Variants in ABCA1 observed in about 807,000 individuals in gnomAD.
The protein encoded by ABCA1 is phospholipid-transporting ATPase ABCA1.
A neutral mutation model predicts 262.5 loss-of-function variants in ABCA1; 133 were observed. The ratio of observed to expected loss-of-function variants is 0.51; its 90% CI spans 0.44 to 0.59. The LOEUF (loss-of-function observed/expected upper bound fraction) is 0.59, where lower values mean the gene tolerates loss of function less well. Ranked by LOEUF, ABCA1 falls within the 20% of genes least tolerant of loss-of-function variation. The pLI is 0.00. For synonymous variants in ABCA1, 1,022 were observed against 1,043.5 expected (o/e 0.98, Z 0.40); for missense variants, 2,452 against 2,777.5 (o/e 0.88, Z 2.63).
At chr9:104,809,719 A>T (rs989840019) in intron 29 of ABCA1, among the ~76,000 whole-genome samples, 155 bp from the exon 30 acceptor site, 2 of 152,156 alleles carry the variant, frequency 1.3e-5, no homozygotes, top group Non-Finnish European at 2.9e-5. Context: ...ACCCAGAAGG[A>T]TCTCAGACTC....
In ABCA1 at chr9:104,794,377, C is replaced by T; in HGVS notation, c.5506+10G>A. The T allele has an allele frequency of 6.2e-7, 1 of 1,614,054 alleles. No individual in the cohort carries two copies. The highest frequency in any genetic ancestry group is 8.5e-7 in the Non-Finnish European group (1 of 1,179,980). On this transcript the variant is annotated intron_variant, in intron 40 of 49. Transcript: ENST00000374736. ...CCATTAAAGCATCCTACAGCCACTG[C>T]TTCACTCACCAAACCTTTCCAGGGC...
intron 1 of ABCA1, among the ~76,000 whole-genome samples, chr9:104,927,067 C>G (rs886324979): frequency 2.6e-4 from 39 of 152,038 alleles, no homozygotes; most frequent in African/African-American, 7.5e-4. Flanking sequence ...CAAAAATTAG[C>G]TGGATGTGGT....
chr9:104,832,867 G>T, intron 11 of ABCA1, 96 bp from the exon 12 acceptor site: 1 of 1,156,540 alleles, frequency 8.6e-7, no homozygotes, highest in Non-Finnish European at 1.3e-6. Flanking sequence ...CACTGTCGTT[G>T]TTTTATCCTC....
intron 15 of ABCA1, among the ~76,000 whole-genome samples, chr9:104,827,627 A>G (rs558657178): frequency 7.6e-4 from 115 of 152,244 alleles, no homozygotes; most frequent in African/African-American, 2.7e-3. Flanking sequence ...CAATCATCCA[A>G]ACTCTTGTGG....
At chr9:104,906,021 G>A (rs898769473) in intron 1 of ABCA1, among the ~76,000 whole-genome samples, 11 of 152,166 alleles carry the variant, frequency 7.2e-5, no homozygotes, top group South Asian at 2.1e-4. Flanking sequence ...TGGATTCAAC[G>A]AGATAATATA....
In ABCA1 at chr9:104,810,848, C is replaced by A; in HGVS notation, c.4127G>T (p.Ser1376Ile). The change falls in exon 29 of 50, where the codon AGC (serine) becomes ATC (isoleucine). Residue 1376 changes from serine to isoleucine, a missense_variant. Physicochemically the swap from Ser to Ile is moderately radical, Grantham distance 142. Transcript: ENST00000374736. ...LIVPPFGKYP[S>I]LELQPWMYNE... Reference sequence around the variant, plus strand: ...GTACATCCAGGGCTGAAGTTCCAGGCTGGGGTACTTGCCAAAGGGTGGCAC... The same window carrying A: ...GTACATCCAGGGCTGAAGTTCCAGGATGGGGTACTTGCCAAAGGGTGGCAC... 1 of 1,614,208 alleles carries A rather than the reference C, an allele frequency of 6.2e-7. No homozygotes were observed. The highest frequency in any genetic ancestry group is 1.6e-4 in the Middle Eastern group (1 of 6,062).
intron 18 of ABCA1, among the ~76,000 whole-genome samples, chr9:104,824,125 T>C (rs1325206026): frequency 6.6e-6 from 1 of 152,218 alleles, no homozygotes; most frequent in East Asian, 1.9e-4. Flanking sequence ...GCAGCGAGGC[T>C]ATGGTTCCAC....
intron 5 of ABCA1, among the ~76,000 whole-genome samples, chr9:104,876,084 G>C (rs547327321): frequency 1.3e-4 from 20 of 152,312 alleles, no homozygotes; most frequent in African/African-American, 4.8e-4. Flanking sequence ...ATGTACAGTA[G>C]AGAGAGGCTA....
At chr9:104,835,644 G>A (rs1434610224) in intron 11 of ABCA1, among the ~76,000 whole-genome samples, 1 of 151,920 alleles carries the variant, frequency 6.6e-6, no homozygotes, top group Non-Finnish European at 1.5e-5. Context: ...TAAAGTAAAG[G>A]TCCTCAGCTT....
chr9:104,859,927 T>C (rs1465414399), intron 6 of ABCA1, among the ~76,000 whole-genome samples: 1 of 151,876 alleles, frequency 6.6e-6, no homozygotes, highest in Non-Finnish European at 1.5e-5. Context: ...TGGTGGTGCA[T>C]GCCTGTAATC....
intron 35 of ABCA1, 81 bp downstream of exon 35, chr9:104,800,429 T>G (rs1830230926): frequency 2.9e-6 from 4 of 1,385,696 alleles, no homozygotes; most frequent in Non-Finnish European, 4.1e-6. Flanking sequence ...CCTGCCAACT[T>G]TACCATGAGT....
At chr9:104,872,321 A>G (rs575120463) in intron 5 of ABCA1, among the ~76,000 whole-genome samples, 1 of 152,342 alleles carries the variant, frequency 6.6e-6, no homozygotes, top group South Asian at 2.1e-4. Flanking sequence ...TTTCCACTAT[A>G]TCAGCAATTT....
intron 24 of ABCA1, 126 bp from the exon 25 acceptor site, chr9:104,816,471 G>A: frequency 2.3e-6 from 2 of 877,928 alleles, no homozygotes; most frequent in Admixed American, 3.8e-5. Flanking sequence ...CAGGTGTTTA[G>A]GTCATTCCAC....
intron 1 of ABCA1, among the ~76,000 whole-genome samples, chr9:104,917,858 G>C (rs73506138): frequency 1.3e-5 from 2 of 152,176 alleles, no homozygotes; most frequent in Admixed American, 1.3e-4. Flanking sequence ...TGTCAGCTGG[G>C]GCCTTTGGGA....
At chr9:104,876,521 G>C (rs996218577) in intron 5 of ABCA1, among the ~76,000 whole-genome samples, 1 of 152,214 alleles carries the variant, frequency 6.6e-6, no homozygotes, top group Non-Finnish European at 1.5e-5. Context: ...GAGAGGAGCA[G>C]GCCTTGGGAC....
Position 104,817,267 on chromosome 9 carries a change from C to T in ABCA1, c.3535+65G>A. ...CAGCCTCTGCACCTCTCCTCCTCTG[C>T]CTCCACTCTGCCCAGCTGGGGGAAG... is the stretch of plus-strand genomic sequence containing the variant. On this transcript the variant is annotated intron_variant, in intron 24 of 49. Coordinates refer to ENST00000374736, the MANE Select transcript of ABCA1 (RefSeq NM_005502.4). The surrounding 1 kb of genome is among the most constrained non-coding windows in gnomAD (Gnocchi z 4.7). The T allele has an allele frequency of 1.2e-6, 2 of 1,613,360 alleles. No individual in the cohort carries two copies. Among genetic ancestry groups the T allele is most frequent in the Non-Finnish European group, 1.7e-6 (2 of 1,179,800 alleles).
chr9:104,916,820 C>T (rs1411217484), intron 1 of ABCA1, among the ~76,000 whole-genome samples: 1 of 152,188 alleles, frequency 6.6e-6, no homozygotes, highest in African/African-American at 2.4e-5. Context: ...GCTGTGATTA[C>T]AGGTGTGAGC....
chr9:104,862,715 CCCCA>C (rs1836733877), intron 5 of ABCA1, among the ~76,000 whole-genome samples: 1 of 32,366 alleles, frequency 3.1e-5, no homozygotes, highest in African/African-American at 1.3e-4. Context: ...CCACCCCCAC[CCCCA>C]CCCCCACCCC....
intron 5 of ABCA1, among the ~76,000 whole-genome samples, chr9:104,862,684 C>CGGGCAGGGCCGGGCAGGGCA (rs1298786032): frequency 2.3e-4 from 2 of 8,846 alleles, no homozygotes; most frequent in African/African-American, 9.3e-4. Flanking sequence ...CGGGCCGGGC[C>CGGGCAGGGCCGGGCAGGGCA]GGGCCGGGCC....
Sources: gnomAD v4.1 joint callset for allele counts (sites outside exome capture counted in the v4.1 genomes callset) on GRCh38, gnomAD v4.1.1 for gene constraint, Gnocchi (gnomAD v3.1) non-coding constraint, MANE v1.5 for transcripts, NCBI Gene and HGNC (gene_info 2026-07-23, HGNC 2026-07-21) for gene names.